VPS13A: variants seen among roughly 807,000 people sequenced by gnomAD.
VPS13A encodes the protein intermembrane lipid transfer protein VPS13A.
A neutral mutation model predicts 390.9 loss-of-function variants in VPS13A; 264 were observed. The observed-to-expected ratio is 0.68, with a 90% CI of 0.61 to 0.75. The LOEUF is 0.75. Ranked by LOEUF, VPS13A falls within the 30% of genes least tolerant of loss-of-function variation. VPS13A has a pLI of 0.00. For synonymous variants in VPS13A, 1,231 were observed against 1,227.1 expected, an observed-to-expected ratio of 1.00 and a Z score of -0.07; for missense variants, 3,409 against 3,733.9, an observed-to-expected ratio of 0.91 and a Z score of 2.27.
At chr9:77,245,428 C>A (rs1037297133) in intron 19 of VPS13A, among the ~76,000 whole-genome samples, 8 of 152,142 alleles carry the variant, frequency 5.3e-5, no homozygotes. Flanking sequence ...AAAATCATGC[C>A]ATCTGTGTTT....
intron 23 of VPS13A, among the ~76,000 whole-genome samples, 182 bp downstream of exon 23, chr9:77,260,406 A>G (rs1158180213): frequency 7.8e-6 from 1 of 128,084 alleles, no homozygotes; most frequent in African/African-American, 3.1e-5. Flanking sequence ...ACCAGGCTGG[A>G]GTGCAGTGGC....
intron 55 of VPS13A, among the ~76,000 whole-genome samples, chr9:77,357,316 CAAAAAAAAA>C (rs1156801817): frequency 1.3e-4 from 6 of 44,604 alleles, no homozygotes; most frequent in South Asian, 6.2e-4. Context: ...GACTCTGTCT[CAAAAAAAAA>C]AAAAAAAAAA....
chr9:77,257,197 G>C (rs1825496754), intron 22 of VPS13A, among the ~76,000 whole-genome samples: 1 of 151,904 alleles, frequency 6.6e-6, no homozygotes, highest in African/African-American at 2.4e-5. Context: ...CATAGAGATT[G>C]TGTATAATAT....
chr9:77,221,165 G>A lies in VPS13A; in HGVS notation c.990-20G>A, dbSNP rs1167498620. The A allele has an allele frequency of 1.2e-6, 2 of 1,611,846 alleles. No homozygotes were observed. Among genetic ancestry groups the A allele is most frequent in the African/African-American group, 1.3e-5 (1 of 74,834 alleles). On this transcript the variant is annotated intron_variant, in intron 12 of 71. Coordinates refer to ENST00000360280, the MANE Select transcript of VPS13A (RefSeq NM_033305.3). ...TACTGTTGATTTGAGGGTGTTAAAT[G>A]TTTTTCTTTTTTTAACTAGGTGGGC...
intron 23 of VPS13A, among the ~76,000 whole-genome samples, chr9:77,270,005 T>C (rs2131317554): frequency 6.6e-6 from 1 of 152,330 alleles, no homozygotes; most frequent in East Asian, 1.9e-4. Context: ...ATCTGCAAGT[T>C]AACGATAGAG....
At chr9:77,268,951 A>AAG (rs1243236366) in intron 23 of VPS13A, among the ~76,000 whole-genome samples, 1 of 152,070 alleles carries the variant, frequency 6.6e-6, no homozygotes, top group African/African-American at 2.4e-5. Flanking sequence ...AAAAAAAAAA[A>AAG]AAAGAAAGTG....
At chr9:77,240,365 G>A (rs1203460124) in intron 19 of VPS13A, among the ~76,000 whole-genome samples, 2 of 151,502 alleles carry the variant, frequency 1.3e-5, no homozygotes, top group Non-Finnish European at 2.9e-5. Context: ...GGGATTACAG[G>A]TGTGAGCCAT....
chr9:77,243,565 C>T (rs997153944), intron 19 of VPS13A, among the ~76,000 whole-genome samples: 30 of 152,108 alleles, frequency 2.0e-4, no homozygotes, highest in Non-Finnish European at 1.5e-4. Context: ...CAGATGTGGT[C>T]GTTTGCTAAA....
intron 31 of VPS13A, among the ~76,000 whole-genome samples, chr9:77,288,327 T>G (rs1827460241): frequency 6.6e-6 from 1 of 152,212 alleles, no homozygotes; most frequent in African/African-American, 2.4e-5. Flanking sequence ...TTCTGCCTGC[T>G]TTGGATTTAA....
intron 68 of VPS13A, among the ~76,000 whole-genome samples, chr9:77,401,329 T>G (rs1054820885): frequency 1.4e-5 from 2 of 140,434 alleles, no homozygotes; most frequent in Non-Finnish European, 3.1e-5. Flanking sequence ...TCACATGAAG[T>G]TGTGTGTGTG....
chr9:77,282,174 A>G lies in VPS13A; in HGVS notation c.3018A>G (p.Thr1006=). Residue 1006 remains threonine, a synonymous_variant, in exon 29 of 72, where the codon ACA becomes ACG. Coordinates refer to ENST00000360280, the MANE Select transcript of VPS13A (RefSeq NM_033305.3). ...IHLHTEALLN[T]INYLHNILPQ... is the part of the protein sequence containing the mutation. ...TACACACTGAAGCACTTCTGAATAC[A>G]ATAAATTATCTTCATAATATCCTTC... is the stretch of plus-strand genomic sequence containing the variant. The G allele has an allele frequency of 6.2e-7, 1 of 1,613,566 alleles. No individual in the cohort carries two copies. The highest frequency in any genetic ancestry group is 8.5e-7 in the Non-Finnish European group (1 of 1,179,614).
rs796595000 is a variant in VPS13A, at chr9:77,404,990, C to CTT, written c.9276-864_9276-863dup. 1.9e-3 allele frequency among the ~76,000 whole-genome samples: 274 copies of CTT among 146,792 alleles called. 1 individual carries two copies. The highest frequency in any genetic ancestry group is 6.3e-3 in the African/African-American group (255 of 40,340). On this transcript the variant is annotated intron_variant, in intron 69 of 71. Coordinates refer to ENST00000360280, the MANE Select transcript of VPS13A (RefSeq NM_033305.3). Reference sequence around the variant, plus strand: ...TTTCCATCCTAGCCAGGAGTCAGACCTTTTTTTTTTTAACTCAATCTAATA... The same window carrying CTT: ...TTTCCATCCTAGCCAGGAGTCAGACCTTTTTTTTTTTTTAACTCAATCTAATA...
chr9:77,282,393 G>T, intron 29 of VPS13A, 119 bp downstream of exon 29: 1 of 936,320 alleles, frequency 1.1e-6, no homozygotes. Context: ...TGTTGCCTAG[G>T]TTAATATCTA....
chr9:77,273,394 C>G (rs1179177276), intron 24 of VPS13A, 30 bp downstream of exon 24: 1 of 1,519,510 alleles, frequency 6.6e-7, no homozygotes, highest in African/African-American at 1.4e-5. Flanking sequence ...GGATATTTTT[C>G]TTATTTTATT....
Position 77,227,491 on chromosome 9 carries a change from A to T in VPS13A, c.1452+6A>T, listed in dbSNP as rs1264248700. On this transcript the variant is annotated splice_donor_region_variant and intron_variant, in intron 16 of 71. Transcript: ENST00000360280. ...ATCCAACTTTACTAAAAACAGTAAG[A>T]TGTTTTCTTGCCTTATACCTTAGAA... 3.8e-6 allele frequency: 6 copies of T among 1,584,280 alleles called. No homozygotes were observed. Among genetic ancestry groups the T allele is most frequent in the Admixed American group, 3.3e-5 (2 of 59,856 alleles).
At chr9:77,317,737 T>TA in intron 40 of VPS13A, 39 bp downstream of exon 40, 2 of 1,454,268 alleles carry the variant, frequency 1.4e-6, no homozygotes, top group South Asian at 1.3e-5. Context: ...TTAGTGCACT[T>TA]AAAAAAAGTA....
chr9:77,281,090 T>C (rs918884568), intron 27 of VPS13A, among the ~76,000 whole-genome samples: 3 of 151,712 alleles, frequency 2.0e-5, no homozygotes, highest in Admixed American at 1.3e-4. Flanking sequence ...ACTGAACTTA[T>C]AGAAGTAGAG....
intron 3 of VPS13A, among the ~76,000 whole-genome samples, chr9:77,203,916 A>C (rs1188092046): frequency 6.6e-6 from 1 of 152,156 alleles, no homozygotes; most frequent in East Asian, 1.9e-4. Context: ...GAGGCCGGGC[A>C]GGGTAGCTGA....
At chr9:77,409,674 C>G (rs904614298) in intron 71 of VPS13A, among the ~76,000 whole-genome samples, 2 of 150,990 alleles carry the variant, frequency 1.3e-5, no homozygotes, top group African/African-American at 2.5e-5. Flanking sequence ...GTAACTGATG[C>G]GATCAACTGG....
Sources: allele counts gnomAD v4.1 joint callset (sites outside exome capture counted in the v4.1 genomes callset), GRCh38; gene constraint gnomAD v4.1.1; transcripts MANE v1.5; gene names NCBI Gene and HGNC (gene_info 2026-07-23, HGNC 2026-07-21).